Variants in TAF4 observed in about 807,000 individuals in gnomAD.
TAF4 encodes the protein transcription initiation factor TFIID subunit 4.
A neutral mutation model predicts 90.3 loss-of-function variants in TAF4; 9 were observed. The ratio of observed to expected loss-of-function variants is 0.10; its 90% CI spans 0.06 to 0.17. The LOEUF (loss-of-function observed/expected upper bound fraction) is 0.17, where lower values mean the gene tolerates loss of function less well. Ranked by LOEUF, TAF4 falls within the 10% of genes least tolerant of loss-of-function variation. TAF4 has a pLI of 1.00. For missense variants in TAF4, 1,351 were observed against 1,370.7 expected (o/e 0.99, Z 0.23); for synonymous variants, 818 against 638.9 (o/e 1.28, Z -4.23).
At chr20:62,018,051 C>G (rs1386187958) in intron 1 of TAF4, among the ~76,000 whole-genome samples, 1 of 152,156 alleles carries the variant, frequency 6.6e-6, no homozygotes. Flanking sequence ...GAGAAGGAAT[C>G]AAACGTCCCA....
At chr20:61,986,581 T>C in intron 14 of TAF4, among the ~76,000 whole-genome samples, 1 of 152,322 alleles carries the variant, frequency 6.6e-6, no homozygotes, top group Middle Eastern at 3.4e-3. Flanking sequence ...CTCCAAGAAA[T>C]CATGGAAAAC....
Position 62,010,206 on chromosome 20 carries a change from C to A in TAF4, c.1642-41G>T, listed in dbSNP as rs201718516. 43 of 1,612,542 alleles carry A rather than the reference C, an allele frequency of 2.7e-5. No individual in the cohort carries two copies. The Middle Eastern group carries it at 6.6e-4, about 25-fold the overall frequency. On this transcript the variant is annotated intron_variant, in intron 3 of 14. Coordinates refer to ENST00000252996, the MANE Select transcript of TAF4 (RefSeq NM_003185.4). The surrounding 1 kb of genome is among the most constrained non-coding windows in gnomAD (Gnocchi z 4.5). ...AACACAAGGTAAGGGCATCTCACGCCACCAGCTGACGAGGGGGAGACCAGC... is the reference window on the plus strand; with the variant it reads ...AACACAAGGTAAGGGCATCTCACGCAACCAGCTGACGAGGGGGAGACCAGC...
chr20:61,982,647 CACCCGAGAGGAGACACCAAACCCA>C lies in TAF4; in HGVS notation c.3091-6336_3091-6313del, dbSNP rs1568920929. Among the ~76,000 whole-genome samples, 302 of 128,654 alleles carry C rather than the reference CACCCGAGAGGAGACACCAAACCCA, an allele frequency of 2.3e-3. 17 individuals carry two copies. Among genetic ancestry groups the C allele is most frequent in the African/African-American group, 4.8e-3 (165 of 34,162 alleles). The allele number at this position is 128,654 out of a possible 152,430, so 84.4% of individuals were successfully genotyped here. On this transcript the variant is annotated intron_variant, in intron 14 of 14. Transcript: ENST00000252996. Reference sequence around the variant, plus strand: ...CGAGAGGAGACACCAAACCCACACCCACCCGAGAGGAGACACCAAACCCACACCCCACCTGAGAGGAGACACCAA... The same window carrying C: ...CGAGAGGAGACACCAAACCCACACCCCACCCCACCTGAGAGGAGACACCAA...
chr20:62,023,797 C>CA, intron 1 of TAF4, among the ~76,000 whole-genome samples: 1 of 149,886 alleles, frequency 6.7e-6, no homozygotes, highest in Middle Eastern at 3.5e-3. Flanking sequence ...AAGAAAGCTC[C>CA]AGTAATCTCA....
chr20:61,977,199 G>A lies in TAF4; in HGVS notation c.3091-864C>T, dbSNP rs552992964. Among the ~76,000 whole-genome samples the A allele has an allele frequency of 7.1e-4, 100 of 140,712 alleles. 1 individual carries two copies. Among genetic ancestry groups the A allele is most frequent in the Non-Finnish European group, 1.4e-3 (90 of 63,434 alleles). 92.3% of individuals were successfully genotyped at this position (140,712 alleles called of 152,430 possible). A position where few individuals can be genotyped will look rare whatever the true frequency, so the allele number is the denominator to read the frequency against. On this transcript the variant is annotated intron_variant, in intron 14 of 14. Transcript: ENST00000252996. ...GCCACACACACGACACCGCCCAGCGGGGCGCGCGCCACACACACACAACAC... is the reference window on the plus strand; with the variant it reads ...GCCACACACACGACACCGCCCAGCGAGGCGCGCGCCACACACACACAACAC...
intron 14 of TAF4, 150 bp from the exon 15 acceptor site, chr20:61,976,485 T>C: frequency 3.3e-6 from 3 of 903,140 alleles, no homozygotes; most frequent in Non-Finnish European, 5.1e-6. Flanking sequence ...GGAGCTGGGG[T>C]GCTGTCCAGG....
At chr20:62,047,215 T>C (rs546523322) in intron 1 of TAF4, among the ~76,000 whole-genome samples, 1 of 152,300 alleles carries the variant, frequency 6.6e-6, no homozygotes, top group East Asian at 1.9e-4. Context: ...TCAGTGTCAC[T>C]ATGAGCGGGA....
intron 1 of TAF4, among the ~76,000 whole-genome samples, chr20:62,039,683 C>T (rs749151540): frequency 9.2e-5 from 14 of 152,136 alleles, no homozygotes; most frequent in African/African-American, 3.1e-4. Flanking sequence ...CACTTTAAAA[C>T]GCATGCAGCT....
chr20:62,040,699 A>G (rs1314049020), intron 1 of TAF4, among the ~76,000 whole-genome samples: 1 of 152,264 alleles, frequency 6.6e-6, no homozygotes, highest in Non-Finnish European at 1.5e-5. Context: ...GCCAAGAGCC[A>G]GCAAGATCTC....
At position 62,065,541 on chromosome 20, in the gene TAF4, G is replaced by A. The variant is rs1014442003; in HGVS notation, c.270C>T (p.Pro90=). The A allele has an allele frequency of 4.0e-5, 39 of 978,490 alleles. 1 individual carries two copies. The highest frequency in any genetic ancestry group is 1.0e-3 in the Middle Eastern group (2 of 1,906). The allele number at this position is 978,490 out of a possible 1,614,324, so 60.6% of individuals were successfully genotyped here. Residue 90 remains proline, a synonymous_variant, in exon 1 of 15, where the codon CCC becomes CCT. Coordinates refer to ENST00000252996, the MANE Select transcript of TAF4 (RefSeq NM_003185.4). ...CCCCCGGCCGCGCTCTACCTGCGGGGGGCGGCTCCGGCGCCGCTCCGGGCG... is the reference window on the plus strand; with the variant it reads ...CCCCCGGCCGCGCTCTACCTGCGGGAGGCGGCTCCGGCGCCGCTCCGGGCG... ...EGAPGAAPEP[P]PAGRARPGGG...
At chr20:62,042,435 G>A (rs577268520) in intron 1 of TAF4, among the ~76,000 whole-genome samples, 5 of 152,242 alleles carry the variant, frequency 3.3e-5, no homozygotes, top group Admixed American at 6.5e-5. Context: ...CTCGGGTACC[G>A]AGAGGGCAGG....
chr20:62,006,232 T>G lies in TAF4; in HGVS notation c.2223+278A>C. 1 of 342,432 alleles carries G rather than the reference T, an allele frequency of 2.9e-6. No individual in the cohort carries two copies. Among genetic ancestry groups the G allele is most frequent in the Non-Finnish European group, 5.2e-6 (1 of 193,510 alleles). 21.2% of individuals were successfully genotyped at this position (342,432 alleles called of 1,614,324 possible). On this transcript the variant is annotated intron_variant, in intron 7 of 14. Coordinates refer to ENST00000252996, the MANE Select transcript of TAF4 (RefSeq NM_003185.4). This position sits in a 1 kb window ranked among gnomAD's most constrained non-coding sequence, Gnocchi z 7.0. ...ATCCTCTAAAAGCACGCTGCATTCA[T>G]TTACACCAGTAACATCCCCAGACAA...
At chr20:62,015,297 A>T (rs1350918141) in intron 1 of TAF4, among the ~76,000 whole-genome samples, 1 of 152,230 alleles carries the variant, frequency 6.6e-6, no homozygotes, top group African/African-American at 2.4e-5. Flanking sequence ...AACCCTTAGG[A>T]CAGGAGAACC....
At chr20:62,050,747 C>A (rs2056022420) in intron 1 of TAF4, among the ~76,000 whole-genome samples, 2 of 152,124 alleles carry the variant, frequency 1.3e-5, no homozygotes, top group African/African-American at 4.8e-5. Context: ...CTGCCAGGCT[C>A]CAGGCAGAAG....
At chr20:61,984,443 G>A (rs979400755) in intron 14 of TAF4, among the ~76,000 whole-genome samples, 1 of 152,224 alleles carries the variant, frequency 6.6e-6, no homozygotes, top group Non-Finnish European at 1.5e-5. Flanking sequence ...CACGTACAAG[G>A]CGACTCTTGA....
At chr20:62,045,207 C>T (rs992514741) in intron 1 of TAF4, among the ~76,000 whole-genome samples, 4 of 152,222 alleles carry the variant, frequency 2.6e-5, no homozygotes, top group African/African-American at 4.8e-5. Flanking sequence ...GGATGCTCCC[C>T]GCTCAGGACT....
chr20:62,055,627 C>A (rs6142706), intron 1 of TAF4, among the ~76,000 whole-genome samples: 6 of 152,052 alleles, frequency 3.9e-5, no homozygotes, highest in Non-Finnish European at 7.4e-5. Flanking sequence ...GAGGGCAGCC[C>A]TACAATCTAC....
In TAF4 at chr20:62,010,598, G is replaced by C. The variant is rs1600842228; in HGVS notation, c.1642-433C>G. On this transcript the variant is annotated intron_variant, in intron 3 of 14. Coordinates refer to ENST00000252996, the MANE Select transcript of TAF4 (RefSeq NM_003185.4). This position sits in a 1 kb window ranked among gnomAD's most constrained non-coding sequence, Gnocchi z 4.5. ...CTCCCAGGTGCAGAGGCTGGCTACA[G>C]GGCGGTCAGGGCTCCACAGCCGCAG... Among the ~76,000 whole-genome samples the C allele has an allele frequency of 6.6e-6, 1 of 152,156 alleles. No homozygotes were observed. Among genetic ancestry groups the C allele is most frequent in the African/African-American group, 2.4e-5 (1 of 41,454 alleles).
intron 1 of TAF4, among the ~76,000 whole-genome samples, chr20:62,019,083 G>A (rs1162255534): frequency 2.0e-5 from 3 of 152,190 alleles, no homozygotes; most frequent in Non-Finnish European, 4.4e-5. Context: ...ACCACAATGG[G>A]TCAGGGTCCA....
Sources: allele counts gnomAD v4.1 joint callset (sites outside exome capture counted in the v4.1 genomes callset), GRCh38; gene constraint gnomAD v4.1.1; non-coding constraint Gnocchi (gnomAD v3.1); transcripts MANE v1.5; gene names NCBI Gene and HGNC (gene_info 2026-07-23, HGNC 2026-07-21).